LRRC37A2: variants seen among roughly 807,000 people sequenced by gnomAD.
The protein encoded by LRRC37A2 is leucine-rich repeat-containing protein 37A2.
Under a neutral mutation model 68.8 loss-of-function variants are expected in LRRC37A2, and 9 were observed. That is an observed-to-expected ratio of 0.13 (90% CI 0.08 to 0.23). The LOEUF (loss-of-function observed/expected upper bound fraction) is 0.23. LRRC37A2 is among the 10% of genes least tolerant of loss of function. The pLI is 1.00. For missense variants in LRRC37A2, 168 were observed against 950.4 expected, an observed-to-expected ratio of 0.18 and a Z score of 10.82; for synonymous variants, 63 against 367.6, an observed-to-expected ratio of 0.17 and a Z score of 9.48.
the LRRC37A2 span, among the ~76,000 whole-genome samples, chr17:46,765,662 C>T: frequency 1.3e-5 from 2 of 152,250 alleles, no homozygotes; most frequent in Non-Finnish European, 2.9e-5. Context: ...AGCGGAGTCT[C>T]GGCCGAGCCT....
At chr17:46,761,742 T>C in the LRRC37A2 span, among the ~76,000 whole-genome samples, 2 of 152,276 alleles carry the variant, frequency 1.3e-5, no homozygotes, top group African/African-American at 4.8e-5. Flanking sequence ...AATAATGTGC[T>C]GAATAAACCA....
the LRRC37A2 span, among the ~76,000 whole-genome samples, chr17:46,841,898 TG>T: frequency 3.3e-5 from 5 of 152,140 alleles, no homozygotes; most frequent in African/African-American, 4.8e-5. Flanking sequence ...CTGCGGTGTG[TG>T]GGGGGGTCTC....
At chr17:46,916,343 G>A in the LRRC37A2 span, among the ~76,000 whole-genome samples, 1 of 152,136 alleles carries the variant, frequency 6.6e-6, no homozygotes, top group Non-Finnish European at 1.5e-5. Flanking sequence ...CTCCACCCAT[G>A]GGCCCTGAGC....
the LRRC37A2 span, among the ~76,000 whole-genome samples, chr17:46,716,957 A>G: frequency 2.6e-5 from 4 of 152,230 alleles, no homozygotes; most frequent in Non-Finnish European, 5.9e-5. Flanking sequence ...TAATATCTGA[A>G]CAATCCCTTT....
the LRRC37A2 span, among the ~76,000 whole-genome samples, chr17:46,621,915 TTC>T: frequency 1.4e-5 from 2 of 142,706 alleles, no homozygotes; most frequent in South Asian, 4.3e-4. Context: ...CCATTTTTAT[TTC>T]TGTGTATAAT....
the LRRC37A2 span, among the ~76,000 whole-genome samples, chr17:47,002,230 TAGTA>T: frequency 6.6e-6 from 1 of 152,176 alleles, no homozygotes; most frequent in Non-Finnish European, 1.5e-5. Context: ...TGTGGGTACA[TAGTA>T]AGGGTATGTA....
chr17:46,987,607 G>A, the LRRC37A2 span, among the ~76,000 whole-genome samples: 5 of 152,128 alleles, frequency 3.3e-5, no homozygotes, highest in Admixed American at 2.0e-4. Context: ...AAAAGGCCCC[G>A]ATGAGTGACC....
chr17:46,954,680 T>A, the LRRC37A2 span, among the ~76,000 whole-genome samples: 1 of 152,252 alleles, frequency 6.6e-6, no homozygotes, highest in African/African-American at 2.4e-5. Flanking sequence ...CTTCCATTTG[T>A]TTGTGTCCTG....
chr17:46,873,822 T>A, the LRRC37A2 span, among the ~76,000 whole-genome samples: 5 of 151,936 alleles, frequency 3.3e-5, no homozygotes, highest in Admixed American at 6.6e-5. Flanking sequence ...AAACCCCATC[T>A]CTACTAAAAA....
At chr17:47,000,036 A>ATAAAATAAAATAAAATAAAAT in the LRRC37A2 span, among the ~76,000 whole-genome samples, 3 of 25,078 alleles carry the variant, frequency 1.2e-4, no homozygotes, top group Admixed American at 7.5e-4. Flanking sequence ...AATAAAATAA[A>ATAAAATAAAATAAAATAAAAT]ATAAAATAAA....
At chr17:46,715,356 C>T in the LRRC37A2 span, among the ~76,000 whole-genome samples, 53 of 152,126 alleles carry the variant, frequency 3.5e-4, no homozygotes, top group African/African-American at 1.3e-3. Context: ...TTTCGTTTTC[C>T]CTCTGATGGG....
the LRRC37A2 span, chr17:46,721,891 G>T: frequency 6.3e-7 from 1 of 1,586,318 alleles, no homozygotes; most frequent in Non-Finnish European, 8.7e-7. Context: ...CGATAAAGAC[G>T]ACATGCTTCC....
the LRRC37A2 span, among the ~76,000 whole-genome samples, chr17:46,944,878 G>T: frequency 1.3e-5 from 2 of 152,176 alleles, no homozygotes; most frequent in East Asian, 3.8e-4. Context: ...GGGATTACTG[G>T]CATAAGCCAC....
chr17:46,943,596 G>T, the LRRC37A2 span, among the ~76,000 whole-genome samples: 426 of 152,352 alleles, frequency 2.8e-3, no homozygotes, highest in Non-Finnish European at 4.5e-3. Flanking sequence ...AGGGGCCTTT[G>T]TGCATCCCGG....
At chr17:46,808,889 G>A in the LRRC37A2 span, among the ~76,000 whole-genome samples, 11 of 152,118 alleles carry the variant, frequency 7.2e-5, no homozygotes, top group Admixed American at 3.3e-4. Context: ...TGCTCAGGTC[G>A]AGGGGCCCAT....
the LRRC37A2 span, among the ~76,000 whole-genome samples, chr17:46,968,278 C>T: frequency 6.6e-6 from 1 of 152,218 alleles, no homozygotes; most frequent in Non-Finnish European, 1.5e-5. Context: ...CTCTTCCTCT[C>T]CCTCCGCACT....
the LRRC37A2 span, among the ~76,000 whole-genome samples, chr17:46,720,553 C>T: frequency 0.13 from 20,319 of 152,138 alleles, 1,854 homozygotes; most frequent in Non-Finnish European, 0.2. Flanking sequence ...CTAATGTTTG[C>T]TTGGTCTACT....
chr17:46,894,536 G>A, the LRRC37A2 span, among the ~76,000 whole-genome samples: 5 of 152,354 alleles, frequency 3.3e-5, no homozygotes, highest in East Asian at 7.7e-4. Flanking sequence ...AGCAGACCTG[G>A]ACTTCAGCTG....
chr17:46,530,366 C>G (rs1408198002), intron 6 of LRRC37A2, among the ~76,000 whole-genome samples: 1 of 143,426 alleles, frequency 7.0e-6, no homozygotes, highest in Non-Finnish European at 1.5e-5. Flanking sequence ...TCATGTGGCA[C>G]TCACATTCTT....
Sources: allele counts gnomAD v4.1 joint callset (sites outside exome capture counted in the v4.1 genomes callset), GRCh38; gene constraint gnomAD v4.1.1; transcripts MANE v1.5; gene names NCBI Gene and HGNC (gene_info 2026-07-23, HGNC 2026-07-21).